UPF2: variants seen among roughly 807,000 people sequenced by gnomAD.
The protein encoded by UPF2 is UPF2 regulator of nonsense mediated mRNA decay, also known as regulator of nonsense transcripts 2.
In UPF2, 17 loss-of-function variants were observed where a neutral mutation model predicts 141.4. The ratio of observed to expected loss-of-function variants is 0.12; its 90% CI spans 0.08 to 0.18. The LOEUF (loss-of-function observed/expected upper bound fraction) is 0.18, where lower values mean the gene tolerates loss of function less well. Among genes scored for constraint, UPF2 ranks in the 10% least tolerant of loss-of-function variants. The pLI, the probability that UPF2 is intolerant of heterozygous loss-of-function variation, is 1.00. For synonymous variants in UPF2, 540 were observed against 498.0 expected (o/e 1.08, Z -1.12); for missense variants, 1,152 against 1,515.9 (o/e 0.76, Z 3.99).
chr10:12,033,807 C>T (rs1834571300), intron 2 of UPF2, among the ~76,000 whole-genome samples: 1 of 152,124 alleles, frequency 6.6e-6, no homozygotes, highest in South Asian at 2.1e-4. Flanking sequence ...CCTCAGCCTC[C>T]CAAAGGGCTG....
At chr10:11,924,497 G>A (rs1320031398) in intron 21 of UPF2, among the ~76,000 whole-genome samples, 2 of 151,932 alleles carry the variant, frequency 1.3e-5, no homozygotes, top group East Asian at 3.9e-4. Context: ...AGAATCACTT[G>A]AACCCAGGAG....
chr10:11,982,863 A>AC (rs572850772), intron 8 of UPF2, among the ~76,000 whole-genome samples: 8 of 150,648 alleles, frequency 5.3e-5, no homozygotes, highest in Admixed American at 1.3e-4. Flanking sequence ...TAGGCGATCC[A>AC]CCCCCCTCAG....
At chr10:11,925,873 G>A (rs897953458) in intron 21 of UPF2, among the ~76,000 whole-genome samples, 1 of 152,222 alleles carries the variant, frequency 6.6e-6, no homozygotes, top group Non-Finnish European at 1.5e-5. Flanking sequence ...GAACCAAGTT[G>A]AGGAGTTTAG....
chr10:12,007,364 A>G (rs1377779299), intron 4 of UPF2, among the ~76,000 whole-genome samples: 4 of 152,220 alleles, frequency 2.6e-5, no homozygotes, highest in Non-Finnish European at 5.9e-5. Flanking sequence ...TTTTTAATCT[A>G]TAATATGCAT....
intron 15 of UPF2, among the ~76,000 whole-genome samples, chr10:11,951,670 T>C (rs1344021181): frequency 6.6e-6 from 1 of 152,246 alleles, no homozygotes; most frequent in East Asian, 1.9e-4. Flanking sequence ...TACTCCCTTC[T>C]ACAGTTTCTT....
intron 3 of UPF2, among the ~76,000 whole-genome samples, chr10:12,017,330 C>A (rs1564367993): frequency 6.6e-6 from 1 of 152,178 alleles, no homozygotes; most frequent in South Asian, 2.1e-4. Context: ...GAACAAACAT[C>A]CAGTCCATTG....
At chr10:12,030,049 A>T (rs1365344589) in intron 2 of UPF2, among the ~76,000 whole-genome samples, 1 of 152,100 alleles carries the variant, frequency 6.6e-6, no homozygotes, top group East Asian at 1.9e-4. Context: ...CCAGTACTGG[A>T]GGTCGATAAC....
At chr10:12,013,947 T>C in intron 4 of UPF2, 77 bp downstream of exon 4, 3 of 1,333,882 alleles carry the variant, frequency 2.2e-6, no homozygotes, top group Non-Finnish European at 2.0e-6. Context: ...TTCTCAATAC[T>C]GCACATCTGA....
rs999499307 is a variant in UPF2, at chr10:11,959,390, T to C, written c.2185-34A>G. 2.6e-6 allele frequency: 4 copies of C among 1,525,800 alleles called. No homozygotes were observed. The highest frequency in any genetic ancestry group is 1.4e-5 in the African/African-American group (1 of 71,698). The allele number at this position is 1,525,800 out of a possible 1,614,324, so 94.5% of individuals were successfully genotyped here. ...AAAAGTCCAAATTAATCAAAACACG[T>C]TCCTTCTAAGATTCCTTTACTCCTA... is the stretch of plus-strand genomic sequence containing the variant. On this transcript the variant is annotated intron_variant, in intron 11 of 21. Coordinates refer to ENST00000357604, the MANE Select transcript of UPF2 (RefSeq NM_015542.4). This position sits in a 1 kb window ranked among gnomAD's most constrained non-coding sequence, Gnocchi z 5.9.
At chr10:11,944,015 A>C (rs536643186) in intron 16 of UPF2, among the ~76,000 whole-genome samples, 4,872 of 152,054 alleles carry the variant, frequency 0.032, 268 homozygotes, top group African/African-American at 0.11. Context: ...ACAAACAAAA[A>C]AAAAAAACCA....
chr10:11,985,350 T>C (rs570153253), intron 8 of UPF2, among the ~76,000 whole-genome samples: 1 of 152,246 alleles, frequency 6.6e-6, no homozygotes, highest in East Asian at 1.9e-4. Context: ...AAGAATGCTT[T>C]CTGCTGGCCG....
chr10:11,926,448 A>C (rs550766639), intron 21 of UPF2, among the ~76,000 whole-genome samples: 1 of 152,338 alleles, frequency 6.6e-6, no homozygotes, highest in Admixed American at 6.5e-5. Flanking sequence ...GCCCAGGCTG[A>C]GCCCAAGGAA....
intron 5 of UPF2, among the ~76,000 whole-genome samples, chr10:12,002,828 T>C (rs916762250): frequency 2.6e-5 from 4 of 152,228 alleles, no homozygotes; most frequent in Non-Finnish European, 5.9e-5. Flanking sequence ...CAGCCTTCTT[T>C]TGTGTTTTCG....
chr10:11,931,614 C>A lies in UPF2; in HGVS notation c.3688+27G>T. 2 of 1,529,116 alleles carry A rather than the reference C, an allele frequency of 1.3e-6. No individual in the cohort carries two copies. The highest frequency in any genetic ancestry group is 1.8e-6 in the Non-Finnish European group (2 of 1,140,202). 94.7% of individuals were successfully genotyped at this position (1,529,116 alleles called of 1,614,324 possible). A position where few individuals can be genotyped will look rare whatever the true frequency, so the allele number is the denominator to read the frequency against. ...GATGCTCAAAAGGCAACAAAAATTTCCACTTCTCTTATAGATGATTTTATA... is the reference window on the plus strand; with the variant it reads ...GATGCTCAAAAGGCAACAAAAATTTACACTTCTCTTATAGATGATTTTATA... On this transcript the variant is annotated intron_variant, in intron 20 of 21. Coordinates refer to ENST00000357604, the MANE Select transcript of UPF2 (RefSeq NM_015542.4). The surrounding 1 kb of genome is among the most constrained non-coding windows in gnomAD (Gnocchi z 5.9).
At chr10:12,024,251 A>T (rs1040386417) in intron 3 of UPF2, among the ~76,000 whole-genome samples, 4 of 151,988 alleles carry the variant, frequency 2.6e-5, no homozygotes, top group African/African-American at 9.7e-5. Context: ...TGAACCCAGG[A>T]GTTCGAGGCC....
chr10:11,938,846 T>TTTTTTTG lies in UPF2; in HGVS notation c.3379-2141_3379-2135dup, dbSNP rs1298508857. ...TAGCCATGTGGTCTTAAGCAAGTTT[T>TTTTTTTG]TTTTTTGTTTTTTTTTTTTTTTTTT... On this transcript the variant is annotated intron_variant, in intron 18 of 21. Transcript: ENST00000357604. Among the ~76,000 whole-genome samples, 72 of 118,870 alleles carry TTTTTTTG rather than the reference T, an allele frequency of 6.1e-4. 1 individual carries two copies. The South Asian group carries it at 8.9e-3, about 15-fold the overall frequency. The allele number at this position is 118,870 out of a possible 152,430, so 78.0% of individuals were successfully genotyped here. A position where few individuals can be genotyped will look rare whatever the true frequency, so the allele number is the denominator to read the frequency against.
rs1330674819 is a variant in UPF2, at chr10:11,942,978, GAAAC to G, written c.3279+82_3279+85del. 7 of 1,085,444 alleles carry G rather than the reference GAAAC, an allele frequency of 6.4e-6. No individual in the cohort carries two copies. The African/African-American group carries it at 7.9e-5, about 12-fold the overall frequency. The allele number at this position is 1,085,444 out of a possible 1,614,324, so 67.2% of individuals were successfully genotyped here. ...AAAGAAATATTTTTCATAATCAAAA[GAAAC>G]AAATTCAGTTTCGTGACTAAAATTC... On this transcript the variant is annotated intron_variant, in intron 17 of 21. Transcript: ENST00000357604.
chr10:12,004,535 G>T lies in UPF2; in HGVS notation c.1499C>A (p.Thr500Asn). The T allele has an allele frequency of 6.2e-7, 1 of 1,606,996 alleles. No individual in the cohort carries two copies. The highest frequency in any genetic ancestry group is 8.5e-7 in the Non-Finnish European group (1 of 1,177,148). ...CQNKESNKDDTKEAKESKENK... is the reference protein window; with the variant it reads ...CQNKESNKDDNKEAKESKENK... ...ATTTTTTCTCTAGAATTTACCTTTG[G>T]TATCATCTTTGTTGGACTCTTTATT... Residue 500 changes from threonine (T) to asparagine (N), a missense_variant, in exon 5 of 22, where the codon ACC becomes AAC. Thr to Asn is a moderately conservative substitution (Grantham distance 65). Around this residue, in one of 4 missense-constraint regions of UPF2, gnomAD observed 739 missense variants for 1,032.2 expected, o/e 0.72. Transcript: ENST00000357604.
rs145895624 is a variant in UPF2, at chr10:12,013,067, G to C, written c.1306+957C>G. Reference sequence around the variant, plus strand: ...TTGAGCCCAAGAGGCAGAGGCTGCAGTGAGCCGAGATTGTGCCACTGCACT... The same window carrying C: ...TTGAGCCCAAGAGGCAGAGGCTGCACTGAGCCGAGATTGTGCCACTGCACT... On this transcript the variant is annotated intron_variant, in intron 4 of 21. Transcript: ENST00000357604. Among the ~76,000 whole-genome samples, 1,006 of 151,008 alleles carry C rather than the reference G, an allele frequency of 6.7e-3. 5 individuals are homozygous for C. The highest frequency in any genetic ancestry group is 9.7e-3 in the Non-Finnish European group (657 of 67,782).
Sources: gnomAD v4.1 joint callset for allele counts (sites outside exome capture counted in the v4.1 genomes callset) on GRCh38, gnomAD v4.1.1 for gene constraint, gnomAD v4.1.1 regional missense constraint, Gnocchi (gnomAD v3.1) non-coding constraint, MANE v1.5 for transcripts, NCBI Gene and HGNC (gene_info 2026-07-23, HGNC 2026-07-21) for gene names.